Variants in DNAH7 observed in about 807,000 individuals in gnomAD.
DNAH7 encodes the protein dynein axonemal heavy chain 7.
DNAH7 carries 397 observed loss-of-function variants against 444.6 expected under a neutral mutation model. The ratio of observed to expected loss-of-function variants is 0.89; its 90% CI spans 0.82 to 0.97. The LOEUF (loss-of-function observed/expected upper bound fraction) is 0.97, where lower values mean the gene tolerates loss of function less well. Ranked by LOEUF, DNAH7 falls within the 50% of genes least tolerant of loss-of-function variation. The pLI is 0.00. For synonymous variants in DNAH7, 1,636 were observed against 1,624.4 expected (o/e 1.01, Z -0.17); for missense variants, 4,902 against 4,800.8 (o/e 1.02, Z -0.62).
chr2:195,801,366 T>A (rs1263248123), intron 54 of DNAH7, among the ~76,000 whole-genome samples: 1 of 152,110 alleles, frequency 6.6e-6, no homozygotes, highest in Non-Finnish European at 1.5e-5. Context: ...TTCTTGCAAA[T>A]GAATAGATTC....
chr2:196,003,241 A>C (rs959049124), intron 10 of DNAH7, among the ~76,000 whole-genome samples: 2 of 151,928 alleles, frequency 1.3e-5, no homozygotes, highest in African/African-American at 4.8e-5. Flanking sequence ...ATAAAGAAAA[A>C]TAAATGGAGT....
intron 9 of DNAH7, 27 bp downstream of exon 9, chr2:196,019,143 A>T: frequency 7.2e-7 from 1 of 1,393,670 alleles, no homozygotes; most frequent in East Asian, 2.6e-5. Context: ...ATATTTTAAA[A>T]ACCTCTATAA....
In DNAH7 at chr2:195,897,781, A is replaced by G. The variant is rs779333389; in HGVS notation, c.4549-16T>C. 1.3e-6 allele frequency: 2 copies of G among 1,504,934 alleles called. No homozygotes were observed. Among genetic ancestry groups the G allele is most frequent in the East Asian group, 4.5e-5 (2 of 44,120 alleles). 93.2% of individuals were successfully genotyped at this position (1,504,934 alleles called of 1,614,324 possible). A position where few individuals can be genotyped will look rare whatever the true frequency, so the allele number is the denominator to read the frequency against. ...GATATTTCAGCTAAAAAAAAAAAAA[A>G]AAACTCATGAGGATATCTGCATCTC... On this transcript the variant is annotated splice_polypyrimidine_tract_variant and intron_variant, in intron 28 of 64. Transcript: ENST00000312428.
intron 19 of DNAH7, among the ~76,000 whole-genome samples, chr2:195,955,547 C>A (rs940159594): frequency 6.6e-6 from 1 of 152,002 alleles, no homozygotes; most frequent in Non-Finnish European, 1.5e-5. Context: ...CCCTCCCCAA[C>A]AGAAAATACC....
rs1475628976 is a variant in DNAH7 at position 195,809,751 on chromosome 2, C to T, written c.9882G>A (p.Glu3294=). 6.3e-7 allele frequency: 1 copy of T among 1,584,504 alleles called. No individual in the cohort carries two copies. The highest frequency in any genetic ancestry group is 1.2e-5 in the South Asian group (1 of 84,870). ...AAATGAAAACAGTACTGACCGCCCG[C>T]TCATGCAGCAGTAGATTTATGGTTA... The part of the protein sequence containing the change: ...FCLTINLLLH[E]RAINKAEWRF... The change falls in exon 52 of 65, where the codon GAG becomes GAA. Residue 3294 remains glutamate (E), a synonymous_variant. Coordinates refer to ENST00000312428, the MANE Select transcript of DNAH7 (RefSeq NM_018897.3).
chr2:195,748,459 T>G (rs1693567142), intron 63 of DNAH7, among the ~76,000 whole-genome samples: 2 of 152,200 alleles, frequency 1.3e-5, no homozygotes. Context: ...TACCAATGAC[T>G]TTCTTCACAG....
rs769702529 is a variant in DNAH7, at chr2:195,808,658, A to AT, written c.10083+23dup. 4 of 1,606,794 alleles carry AT rather than the reference A, an allele frequency of 2.5e-6. No homozygotes were observed. In the African/African-American group the frequency reaches 5.4e-5, roughly 22 times the overall value. ...CTTTTCTCCATTTAAAAACATTGGA[A>AT]TAAGTGAGAGGGTTAAAACATACCA... On this transcript the variant is annotated intron_variant, in intron 53 of 64. Coordinates refer to ENST00000312428, the MANE Select transcript of DNAH7 (RefSeq NM_018897.3).
At chr2:195,769,607 G>T (rs1230088335) in intron 61 of DNAH7, among the ~76,000 whole-genome samples, 1 of 151,948 alleles carries the variant, frequency 6.6e-6, no homozygotes, top group South Asian at 2.1e-4. Context: ...GGTCTAGGGG[G>T]TAAAGGTGTT....
chr2:195,915,616 T>G (rs1022135994), intron 24 of DNAH7, among the ~76,000 whole-genome samples: 3 of 152,192 alleles, frequency 2.0e-5, no homozygotes, highest in African/African-American at 7.2e-5. Context: ...GAAACTTATA[T>G]CAAAACTTCT....
At chr2:196,059,151 T>C (rs1226109052) in intron 1 of DNAH7, among the ~76,000 whole-genome samples, 6 of 151,578 alleles carry the variant, frequency 4.0e-5, no homozygotes, top group South Asian at 2.1e-4. Flanking sequence ...CCCTTCTCTA[T>C]AACTAAAACT....
intron 5 of DNAH7, among the ~76,000 whole-genome samples, chr2:196,032,160 C>T (rs1401729): frequency 9.2e-5 from 14 of 152,234 alleles, no homozygotes; most frequent in African/African-American, 2.9e-4. Context: ...CCAAGTAAAA[C>T]GGGTTTCCCC....
At chr2:195,778,039 G>C in intron 58 of DNAH7, 54 bp from the exon 59 acceptor site, 1 of 1,402,290 alleles carries the variant, frequency 7.1e-7, no homozygotes, top group Non-Finnish European at 9.4e-7. Flanking sequence ...ATACAGAATC[G>C]TGTTTCTTGT....
chr2:195,879,164 C>T (rs1701226082), intron 36 of DNAH7, among the ~76,000 whole-genome samples: 1 of 152,068 alleles, frequency 6.6e-6, no homozygotes, highest in Non-Finnish European at 1.5e-5. Context: ...CTCATTATGA[C>T]AATTTATGTA....
chr2:195,913,405 G>A (rs548604457), intron 24 of DNAH7, among the ~76,000 whole-genome samples: 3 of 152,000 alleles, frequency 2.0e-5, no homozygotes, highest in South Asian at 2.1e-4. Context: ...CATATCCCAC[G>A]TTATATCCGT....
At chr2:195,875,531 C>T (rs1700998296) in intron 38 of DNAH7, 144 bp downstream of exon 38, 2 of 732,490 alleles carry the variant, frequency 2.7e-6, no homozygotes, top group Non-Finnish European at 4.2e-6. Flanking sequence ...TCATATGATA[C>T]ACTCTGTTAG....
intron 54 of DNAH7, 136 bp downstream of exon 54, chr2:195,806,604 C>T (rs1696721919): frequency 1.0e-5 from 6 of 580,254 alleles, no homozygotes; most frequent in Non-Finnish European, 1.7e-5. Context: ...AAAATGTCTG[C>T]ATTAGAAAGA....
At chr2:195,905,139 CAA>C (rs1686936604) in intron 27 of DNAH7, 1 of 152,104 alleles carries the variant, frequency 6.6e-6, no homozygotes. Context: ...AGGGCATTAA[CAA>C]ACTCAACCAA....
intron 28 of DNAH7, 76 bp downstream of exon 28, chr2:195,900,206 G>T: frequency 1.4e-6 from 2 of 1,446,488 alleles, no homozygotes; most frequent in Non-Finnish European, 1.9e-6. Flanking sequence ...ACAAGTTATT[G>T]GAATTCTCTG....
At chr2:195,824,566 A>C in intron 48 of DNAH7, 121 bp from the exon 49 acceptor site, 1 of 848,886 alleles carries the variant, frequency 1.2e-6, no homozygotes, top group Non-Finnish European at 1.7e-6. Flanking sequence ...ATACCTACAA[A>C]ATTACTTTTG....
Sources: gnomAD v4.1 joint callset for allele counts (sites outside exome capture counted in the v4.1 genomes callset) on GRCh38, gnomAD v4.1.1 for gene constraint, MANE v1.5 for transcripts, NCBI Gene and HGNC (gene_info 2026-07-23, HGNC 2026-07-21) for gene names.